Variants in ST3GAL5 observed in about 807,000 individuals in gnomAD.
The protein encoded by ST3GAL5 is lactosylceramide alpha-2,3-sialyltransferase.
A neutral mutation model predicts 46.1 loss-of-function variants in ST3GAL5; 25 were observed. That is an observed-to-expected ratio of 0.54 (90% CI 0.40 to 0.76). The LOEUF (loss-of-function observed/expected upper bound fraction) is 0.76, where lower values mean the gene tolerates loss of function less well. Among genes scored for constraint, ST3GAL5 ranks in the 30% least tolerant of loss-of-function variants. The pLI, the probability that ST3GAL5 is intolerant of heterozygous loss-of-function variation, is 0.00. For missense variants in ST3GAL5, 431 were observed against 521.2 expected, an observed-to-expected ratio of 0.83 and a Z score of 1.69; for synonymous variants, 182 against 192.7, an observed-to-expected ratio of 0.94 and a Z score of 0.46.
chr2:85,867,872 A>G, intron 1 of ST3GAL5: 1 of 589,428 alleles, frequency 1.7e-6, no homozygotes, highest in South Asian at 1.7e-5. Flanking sequence ...GACTGGGGTT[A>G]GTCAGAAGTC....
At chr2:85,857,793 C>T (rs748700255) in intron 3 of ST3GAL5, among the ~76,000 whole-genome samples, 6 of 152,070 alleles carry the variant, frequency 3.9e-5, no homozygotes, top group Admixed American at 6.6e-5. Context: ...AATTGTAGAA[C>T]ACGACTACTC....
At chr2:85,888,713 G>A in intron 1 of ST3GAL5, 111 bp downstream of exon 1, 1 of 838,210 alleles carries the variant, frequency 1.2e-6, no homozygotes, top group Non-Finnish European at 1.5e-6. Context: ...GCTGCCCGCG[G>A]GGTTCGAGGC....
At chr2:85,844,648 ATGTGGCCCTG>A in intron 5 of ST3GAL5, 94 bp from the exon 6 acceptor site, 1 of 1,557,222 alleles carries the variant, frequency 6.4e-7, no homozygotes, top group Non-Finnish European at 8.8e-7. Flanking sequence ...GTGTGACCCC[ATGTGGCCCTG>A]TGCACTGCCT....
intron 3 of ST3GAL5, chr2:85,849,108 C>T (rs13033743): frequency 0.22 from 33,497 of 152,196 alleles, 4,529 homozygotes; most frequent in East Asian, 0.42. Flanking sequence ...GCGGGCATGG[C>T]GGGTCACACC....
At position 85,837,418 on chromosome 2, in the gene ST3GAL5, T is replaced by C. The variant is rs1681599569; in HGVS notation, c.*2726A>G. ...ATGAAGATAGAGAGTAGATTGGTAGTTACCAGAGGCCAAGAAGGGTAGGGG... is the reference window on the plus strand; with the variant it reads ...ATGAAGATAGAGAGTAGATTGGTAGCTACCAGAGGCCAAGAAGGGTAGGGG... On this transcript the variant is annotated 3_prime_UTR_variant, in exon 7 of 7. Transcript: ENST00000638572. The C allele has an allele frequency of 6.6e-6, 1 of 152,164 alleles. No individual in the cohort carries two copies. 9.4% of individuals were successfully genotyped at this position (152,164 alleles called of 1,614,324 possible).
intron 3 of ST3GAL5, chr2:85,855,105 C>T (rs1373674363): frequency 6.6e-6 from 1 of 152,258 alleles, no homozygotes; most frequent in Non-Finnish European, 1.5e-5. Context: ...GACTCTTTGT[C>T]CCCACCCAAA....
intron 1 of ST3GAL5, chr2:85,869,973 G>A (rs373364455): frequency 8.7e-6 from 3 of 342,926 alleles, no homozygotes; most frequent in Admixed American, 3.7e-5. Flanking sequence ...CATAGCCTCC[G>A]TTCAGTTAAG....
rs778464673 is a variant in ST3GAL5, at chr2:85,847,908, G to A, written c.615C>T (p.His205=). 21 of 1,613,962 alleles carry A rather than the reference G, an allele frequency of 1.3e-5. No homozygotes were observed. Among genetic ancestry groups the A allele is most frequent in the East Asian group, 4.5e-5 (2 of 44,904 alleles). ...CVVIGSGGIL[H]GLELGHTLNQ... ...TCAGGGTGTGGCCCAGTTCTAATCCGTGCAGTATTCCTCCGCTTCCAATAA... is the reference window on the plus strand; with the variant it reads ...TCAGGGTGTGGCCCAGTTCTAATCCATGCAGTATTCCTCCGCTTCCAATAA... Residue 205 remains histidine (H), a synonymous_variant, in exon 4 of 7, where the codon CAC becomes CAT. Transcript: ENST00000638572.
chr2:85,887,296 T>G (rs1687866633), intron 1 of ST3GAL5: 1 of 152,348 alleles, frequency 6.6e-6, no homozygotes, highest in East Asian at 1.9e-4. Context: ...CAATTTACAA[T>G]TTATGCCAAA....
At chr2:85,873,496 G>T (rs1686181784) in intron 1 of ST3GAL5, among the ~76,000 whole-genome samples, 1 of 152,116 alleles carries the variant, frequency 6.6e-6, no homozygotes, top group Admixed American at 6.5e-5. Flanking sequence ...CTACTGAGGG[G>T]CTACCACAGC....
At chr2:85,840,617 G>A (rs1230006578) in intron 6 of ST3GAL5, 3 of 577,210 alleles carry the variant, frequency 5.2e-6, no homozygotes, top group Non-Finnish European at 9.2e-6. Context: ...ACTTTCAAGG[G>A]GCAGCCTGAC....
intron 6 of ST3GAL5, 139 bp downstream of exon 6, chr2:85,844,257 A>T: frequency 9.3e-7 from 1 of 1,080,852 alleles, no homozygotes; most frequent in Non-Finnish European, 1.4e-6. Flanking sequence ...GCAGAGTGGT[A>T]AACACACATG....
intron 1 of ST3GAL5, among the ~76,000 whole-genome samples, chr2:85,869,216 T>C (rs1302570671): frequency 6.6e-6 from 1 of 152,070 alleles, no homozygotes; most frequent in Non-Finnish European, 1.5e-5. Flanking sequence ...CACCCAGCTA[T>C]CTGTTTATTT....
At chr2:85,867,865 T>C in intron 1 of ST3GAL5, 7 of 598,424 alleles carry the variant, frequency 1.2e-5, no homozygotes, top group South Asian at 1.0e-4. Context: ...TTCCTGGGAC[T>C]GGGGTTAGTC....
chr2:85,867,615 C>T (rs757734038), intron 1 of ST3GAL5: 2 of 780,988 alleles, frequency 2.6e-6, no homozygotes, highest in Non-Finnish European at 4.8e-6. Flanking sequence ...GAACAGAAGC[C>T]ATGTCCTGGG....
chr2:85,862,566 C>T (rs1462724914), intron 2 of ST3GAL5, among the ~76,000 whole-genome samples: 2 of 152,142 alleles, frequency 1.3e-5, no homozygotes, highest in African/African-American at 2.4e-5. Flanking sequence ...CAGACTGTGC[C>T]TTAATTCCTG....
chr2:85,862,318 C>G (rs1182418296), intron 2 of ST3GAL5, among the ~76,000 whole-genome samples: 1 of 151,944 alleles, frequency 6.6e-6, no homozygotes, highest in Non-Finnish European at 1.5e-5. Flanking sequence ...CACAAGAAAC[C>G]GGTGACACTG....
intron 1 of ST3GAL5, among the ~76,000 whole-genome samples, chr2:85,865,668 C>G (rs1364878535): frequency 2.0e-5 from 3 of 152,196 alleles, no homozygotes; most frequent in Admixed American, 2.0e-4. Context: ...TCTGAGATGA[C>G]TGGAATGATA....
intron 6 of ST3GAL5, among the ~76,000 whole-genome samples, chr2:85,840,966 A>AG: frequency 6.9e-6 from 1 of 145,374 alleles, no homozygotes; most frequent in South Asian, 2.2e-4. Context: ...AAAAAAAAAA[A>AG]GGCATTCCTT....
Sources: allele counts gnomAD v4.1 joint callset (sites outside exome capture counted in the v4.1 genomes callset), GRCh38; gene constraint gnomAD v4.1.1; transcripts MANE v1.5; gene names NCBI Gene and HGNC (gene_info 2026-07-23, HGNC 2026-07-21).